Variants in MITF observed in about 807,000 individuals in gnomAD.
The protein encoded by MITF is microphthalmia-associated transcription factor.
In MITF, 17 loss-of-function variants were observed where a neutral mutation model predicts 60.5. The observed-to-expected ratio is 0.28, with a 90% CI of 0.19 to 0.42. The LOEUF (loss-of-function observed/expected upper bound fraction) is 0.42. Ranked by LOEUF, MITF falls within the 10% of genes least tolerant of loss-of-function variation. MITF has a pLI of 1.00. For missense variants in MITF, 622 were observed against 683.5 expected, an observed-to-expected ratio of 0.91 and a Z score of 1.00; for synonymous variants, 260 against 248.5, an observed-to-expected ratio of 1.05 and a Z score of -0.43.
chr3:69,917,876 A>C (rs2065372345), intron 2 of MITF, among the ~76,000 whole-genome samples: 1 of 152,106 alleles, frequency 6.6e-6, no homozygotes, highest in Non-Finnish European at 1.5e-5. Flanking sequence ...GAATAAGACA[A>C]CTTTTGCTCC....
Position 69,825,841 on chromosome 3 carries a change from A to G in MITF, c.105-53293A>G, listed in dbSNP as rs144758524. 6.1e-3 allele frequency among the ~76,000 whole-genome samples: 935 copies of G among 152,174 alleles called. 4 individuals are homozygous for G. The highest frequency in any genetic ancestry group is 8.7e-3 in the Non-Finnish European group (595 of 68,002). ...TTAGAAAACACAAAAATATAGCAAAACAGATCTGATTCCTAGCTGGTTGTT... is the reference window on the plus strand; with the variant it reads ...TTAGAAAACACAAAAATATAGCAAAGCAGATCTGATTCCTAGCTGGTTGTT... On this transcript the variant is annotated intron_variant, in intron 1 of 9. Transcript: ENST00000352241.
intron 1 of MITF, among the ~76,000 whole-genome samples, chr3:69,745,201 T>C (rs1703676964): frequency 6.6e-6 from 1 of 152,250 alleles, no homozygotes; most frequent in Admixed American, 6.5e-5. Flanking sequence ...TTTATTATTC[T>C]CATTCTACAG....
rs759675740 is a variant in MITF, at chr3:69,951,804, G to A, written c.881-8G>A. ...TCCAACTTCTAATGACTTCATTCAC[G>A]TGCACAGCGTGTATTTTTCCCACAG... On this transcript the variant is annotated splice_region_variant and splice_polypyrimidine_tract_variant and intron_variant, in intron 6 of 9. Coordinates refer to ENST00000352241, the MANE Select transcript of MITF (RefSeq NM_001354604.2). The A allele has an allele frequency of 9.9e-6, 16 of 1,611,580 alleles. No individual in the cohort carries two copies. The highest frequency in any genetic ancestry group is 4.0e-5 in the African/African-American group (3 of 74,828).
intron 1 of MITF, chr3:69,758,786 C>T (rs1297388020): frequency 4.8e-6 from 1 of 207,926 alleles, no homozygotes; most frequent in Non-Finnish European, 9.8e-6. Context: ...TTTGCTAAAC[C>T]CTTTCAGGAA....
intron 6 of MITF, among the ~76,000 whole-genome samples, chr3:69,949,757 A>G (rs912332997): frequency 6.6e-6 from 1 of 152,164 alleles, no homozygotes; most frequent in African/African-American, 2.4e-5. Context: ...TTATTTCTCT[A>G]CTTTGCTTAA....
chr3:69,799,126 T>A (rs2062877320), intron 1 of MITF, among the ~76,000 whole-genome samples: 1 of 152,158 alleles, frequency 6.6e-6, no homozygotes, highest in South Asian at 2.1e-4. Context: ...ATGATTATGA[T>A]GATAATCTGA....
At chr3:69,796,836 A>G (rs2062839782) in intron 1 of MITF, among the ~76,000 whole-genome samples, 1 of 152,152 alleles carries the variant, frequency 6.6e-6, no homozygotes, top group Non-Finnish European at 1.5e-5. Context: ...GTTAGGCCAT[A>G]TCTATTGCCT....
At chr3:69,748,884 G>A (rs2106761554) in intron 1 of MITF, among the ~76,000 whole-genome samples, 1 of 152,344 alleles carries the variant, frequency 6.6e-6, no homozygotes, top group South Asian at 2.1e-4. Flanking sequence ...GTGGAAAGAA[G>A]ACTTGAGGCA....
chr3:69,790,144 A>G (rs1343449436), intron 1 of MITF, among the ~76,000 whole-genome samples: 4 of 152,222 alleles, frequency 2.6e-5, no homozygotes, highest in African/African-American at 9.7e-5. Context: ...ATGAATCTTT[A>G]GGACATTATA....
chr3:69,895,143 G>A (rs1484774789), intron 2 of MITF, among the ~76,000 whole-genome samples: 1 of 152,190 alleles, frequency 6.6e-6, no homozygotes, highest in Admixed American at 6.5e-5. Flanking sequence ...GTGATAAGAT[G>A]AAGGTGACAA....
intron 1 of MITF, among the ~76,000 whole-genome samples, chr3:69,812,306 A>T (rs1243899129): frequency 6.6e-6 from 1 of 152,126 alleles, no homozygotes; most frequent in Non-Finnish European, 1.5e-5. Flanking sequence ...ATGAAAAAAA[A>T]ATAGATTATA....
chr3:69,821,690 T>TAAAAAAAAAAAAAAAAAAAAAAAAAA (rs72371556), intron 1 of MITF, among the ~76,000 whole-genome samples: 1 of 113,248 alleles, frequency 8.8e-6, no homozygotes. Context: ...AAAAAAAAAC[T>TAAAAAAAAAAAAAAAAAAAAAAAAAA]AAAAAAAAAA....
chr3:69,832,778 T>G (rs1439931889), intron 1 of MITF, among the ~76,000 whole-genome samples: 2 of 152,240 alleles, frequency 1.3e-5, no homozygotes, highest in Non-Finnish European at 2.9e-5. Context: ...TGTGTTTTTT[T>G]GCCTAGTTAC....
intron 1 of MITF, among the ~76,000 whole-genome samples, chr3:69,788,132 CT>C (rs869065385): frequency 1.2e-4 from 18 of 147,874 alleles, no homozygotes; most frequent in East Asian, 6.0e-4. Context: ...TTTTCTTTTT[CT>C]TTTTTTTTTT....
chr3:69,917,514 A>G lies in MITF; in HGVS notation c.355-20308A>G, dbSNP rs190541635. 7.1e-4 allele frequency among the ~76,000 whole-genome samples: 108 copies of G among 151,466 alleles called. 1 individual carries two copies. The highest frequency in any genetic ancestry group is 4.2e-4 in the South Asian group (2 of 4,800). ...TGTAGCAAAATCAGAAGGCTTGGGG[A>G]AAAGCATAGGGTTTTTCAGCATTAA... On this transcript the variant is annotated intron_variant, in intron 2 of 9. Transcript: ENST00000352241.
intron 2 of MITF, among the ~76,000 whole-genome samples, chr3:69,903,503 T>A (rs983890419): frequency 6.6e-6 from 1 of 152,142 alleles, no homozygotes; most frequent in Non-Finnish European, 1.5e-5. Context: ...GCATTGAGCC[T>A]AGATCCAGTT....
intron 1 of MITF, among the ~76,000 whole-genome samples, chr3:69,798,577 TTGC>T (rs1393877683): frequency 2.0e-5 from 3 of 152,232 alleles, no homozygotes; most frequent in East Asian, 1.9e-4. Flanking sequence ...CTCAGTATTT[TTGC>T]TGCTATTTTT....
intron 2 of MITF, among the ~76,000 whole-genome samples, chr3:69,908,503 T>C (rs1311889422): frequency 1.3e-5 from 2 of 152,214 alleles, no homozygotes; most frequent in African/African-American, 4.8e-5. Flanking sequence ...ATAGTTTTAC[T>C]TCAACAAACT....
chr3:69,741,422 A>G (rs998304119), intron 1 of MITF, among the ~76,000 whole-genome samples: 6 of 152,224 alleles, frequency 3.9e-5, no homozygotes, highest in South Asian at 2.1e-4. Context: ...CTGATACATA[A>G]CATTAAATCA....
Sources: gnomAD v4.1 joint callset for allele counts (sites outside exome capture counted in the v4.1 genomes callset) on GRCh38, gnomAD v4.1.1 for gene constraint, MANE v1.5 for transcripts, NCBI Gene and HGNC (gene_info 2026-07-23, HGNC 2026-07-21) for gene names.